FRMD3: variants seen among roughly 807,000 people sequenced by gnomAD.
The protein encoded by FRMD3 is FERM domain containing 3, also known as FERM domain-containing protein 3.
In FRMD3, 33 loss-of-function variants were observed where a neutral mutation model predicts 70.2. The observed-to-expected ratio is 0.47, with a 90% confidence interval of 0.36 to 0.63. The LOEUF is 0.63. Among genes scored for constraint, FRMD3 ranks in the 20% least tolerant of loss-of-function variants. FRMD3 has a pLI of 0.00. For missense variants in FRMD3, 632 were observed against 711.4 expected, an observed-to-expected ratio of 0.89 and a Z score of 1.27; for synonymous variants, 279 against 255.9, an observed-to-expected ratio of 1.09 and a Z score of -0.86.
rs565128193 is a variant in FRMD3, at chr9:83,479,146, G to A, written c.147+58939C>T. On this transcript the variant is annotated intron_variant, in intron 1 of 13. Transcript: ENST00000304195. ...ATGTCACAGGAGAGGAAACAAATAC[G>A]GCCAATGCAAAAAGAAAAGCTAGCC... Among the ~76,000 whole-genome samples the A allele has an allele frequency of 4.6e-5, 7 of 151,976 alleles. No homozygotes were observed. The East Asian group carries it at 7.8e-4, about 17-fold the overall frequency.
chr9:83,499,157 T>C (rs1239139256), intron 1 of FRMD3, among the ~76,000 whole-genome samples: 1 of 152,080 alleles, frequency 6.6e-6, no homozygotes, highest in African/African-American at 2.4e-5. Flanking sequence ...CACGGGAGTG[T>C]CTATGTAAAC....
intron 1 of FRMD3, among the ~76,000 whole-genome samples, chr9:83,476,578 A>G (rs1294447258): frequency 6.6e-6 from 1 of 152,212 alleles, no homozygotes; most frequent in Non-Finnish European, 1.5e-5. Context: ...CCAAAGCTAG[A>G]GCCCAGAGGA....
intron 1 of FRMD3, among the ~76,000 whole-genome samples, chr9:83,524,752 T>C (rs1321242934): frequency 6.6e-6 from 1 of 152,158 alleles, no homozygotes; most frequent in Non-Finnish European, 1.5e-5. Flanking sequence ...AATTAATACA[T>C]ATTATCATTA....
intron 13 of FRMD3, among the ~76,000 whole-genome samples, chr9:83,263,900 T>C (rs1346201232): frequency 6.6e-6 from 1 of 152,142 alleles, no homozygotes; most frequent in Non-Finnish European, 1.5e-5. Flanking sequence ...AATGTTAAAA[T>C]ATAACAAAGT....
chr9:83,454,913 A>T (rs974384195), intron 1 of FRMD3, among the ~76,000 whole-genome samples: 1 of 152,302 alleles, frequency 6.6e-6, no homozygotes, highest in African/African-American at 2.4e-5. Flanking sequence ...GCATCTTTTT[A>T]TCATGCCACC....
At position 83,479,722 on chromosome 9, in the gene FRMD3, A is replaced by G. The variant is rs1327505364; in HGVS notation, c.147+58363T>C. ...AAAGAAAGAAAGAAAGAAAGAAAGA[A>G]AAGAAAGGGAAAGAAAGAAAAAGAA... On this transcript the variant is annotated intron_variant, in intron 1 of 13. Transcript: ENST00000304195. 8.9e-5 allele frequency among the ~76,000 whole-genome samples: 5 copies of G among 56,092 alleles called. 1 individual carries two copies. Among genetic ancestry groups the G allele is most frequent in the Non-Finnish European group, 1.7e-4 (5 of 28,924 alleles). 36.8% of individuals were successfully genotyped at this position (56,092 alleles called of 152,430 possible).
At chr9:83,501,742 C>T (rs1564106816) in intron 1 of FRMD3, among the ~76,000 whole-genome samples, 1 of 152,180 alleles carries the variant, frequency 6.6e-6, no homozygotes, top group Non-Finnish European at 1.5e-5. Context: ...ACCACATCTC[C>T]TGTTTGTTCT....
chr9:83,364,182 T>C (rs1386010898), intron 3 of FRMD3, among the ~76,000 whole-genome samples: 3 of 152,230 alleles, frequency 2.0e-5, no homozygotes, highest in South Asian at 2.1e-4. Context: ...TACTACTCGT[T>C]ATATGTTTGG....
intron 2 of FRMD3, among the ~76,000 whole-genome samples, chr9:83,378,810 ATATATAAATTT>A (rs556668337): frequency 0.029 from 3,668 of 127,486 alleles, 204 homozygotes; most frequent in African/African-American, 0.11. Context: ...TATATATACT[ATATATAAATTT>A]TATATAAATA....
chr9:83,433,243 G>A (rs943486211), intron 1 of FRMD3, among the ~76,000 whole-genome samples: 6 of 152,252 alleles, frequency 3.9e-5, no homozygotes, highest in African/African-American at 1.4e-4. Context: ...GGCAATTAAT[G>A]CATGCTTAGT....
chr9:83,267,932 C>G (rs1686542321), intron 13 of FRMD3, among the ~76,000 whole-genome samples: 3 of 152,178 alleles, frequency 2.0e-5, no homozygotes, highest in African/African-American at 7.2e-5. Flanking sequence ...TGCCTTATCT[C>G]CATCTCATAA....
intron 1 of FRMD3, among the ~76,000 whole-genome samples, chr9:83,432,076 T>C: frequency 6.6e-6 from 1 of 152,184 alleles, no homozygotes; most frequent in East Asian, 1.9e-4. Context: ...CCTTCCCTCA[T>C]TGCATTCCCA....
intron 1 of FRMD3, among the ~76,000 whole-genome samples, chr9:83,452,780 C>A (rs187914270): frequency 2.0e-5 from 3 of 151,978 alleles, no homozygotes; most frequent in Admixed American, 2.0e-4. Flanking sequence ...CCACGCCCGG[C>A]CTACTTCTTA....
intron 3 of FRMD3, among the ~76,000 whole-genome samples, chr9:83,363,893 T>G (rs118181129): frequency 6.6e-6 from 1 of 152,258 alleles, no homozygotes; most frequent in East Asian, 1.9e-4. Context: ...TATAACCAGA[T>G]TACTCTCCAA....
rs964445170 is a variant in FRMD3 at position 83,458,935 on chromosome 9, C to T, written c.148-69227G>A. Among the ~76,000 whole-genome samples, 15 of 152,192 alleles carry T rather than the reference C, an allele frequency of 9.9e-5. No homozygotes were observed. The East Asian group carries it at 1.9e-3, about 20-fold the overall frequency. ...ATTTTCTACTTATGAATTAATTACT[C>T]ATTTGCTTAATACATGTTTATTATT... On this transcript the variant is annotated intron_variant, in intron 1 of 13. Transcript: ENST00000304195.
chr9:83,252,395 C>G (rs75972927), intron 13 of FRMD3, among the ~76,000 whole-genome samples: 7,367 of 152,220 alleles, frequency 0.048, 644 homozygotes, highest in East Asian at 0.42. Context: ...AAGGAAAAAC[C>G]ATTTCCAGCC....
intron 1 of FRMD3, among the ~76,000 whole-genome samples, chr9:83,515,494 T>C (rs778211344): frequency 2.0e-5 from 3 of 152,160 alleles, no homozygotes; most frequent in Admixed American, 6.5e-5. Flanking sequence ...CTACATTTGA[T>C]TGATGTAACT....
the FRMD3 span, among the ~76,000 whole-genome samples, chr9:83,563,746 T>C: frequency 6.6e-6 from 1 of 152,186 alleles, no homozygotes; most frequent in Non-Finnish European, 1.5e-5. Context: ...TTCTGCTGCT[T>C]TCTACTAAAG....
chr9:83,412,087 A>C (rs1280355893), intron 1 of FRMD3, among the ~76,000 whole-genome samples: 1 of 152,168 alleles, frequency 6.6e-6, no homozygotes, highest in Non-Finnish European at 1.5e-5. Context: ...TTGTCATCAA[A>C]CAGTTTTGCC....
Sources: allele counts gnomAD v4.1 joint callset (sites outside exome capture counted in the v4.1 genomes callset), GRCh38; gene constraint gnomAD v4.1.1; transcripts MANE v1.5; gene names NCBI Gene and HGNC (gene_info 2026-07-23, HGNC 2026-07-21).